The following PRRX2 variants were observed in gnomAD, a reference collection of about 807,000 sequenced individuals.
PRRX2 encodes paired related homeobox 2.
A neutral mutation model predicts 18.0 loss-of-function variants in PRRX2; 11 were observed. The observed-to-expected ratio is 0.61, with a 90% CI of 0.39 to 1.01. The LOEUF (loss-of-function observed/expected upper bound fraction) is 1.01, where lower values mean the gene tolerates loss of function less well. Ranked by LOEUF, PRRX2 falls within the 50% of genes least tolerant of loss-of-function variation. The pLI, the probability that PRRX2 is intolerant of heterozygous loss-of-function variation, is 0.01. For synonymous variants in PRRX2, 177 were observed against 154.8 expected, an observed-to-expected ratio of 1.14 and a Z score of -1.06; for missense variants, 387 against 351.0, an observed-to-expected ratio of 1.10 and a Z score of -0.82.
chr9:129,717,023 T>C lies in PRRX2; in HGVS notation c.260-2208T>C, dbSNP rs542331831. ...GCCCCAGTGTGTGCTTGTCAATTTTTAATTTTATTTTTAAATTTTATTTAT... is the reference window on the plus strand; with the variant it reads ...GCCCCAGTGTGTGCTTGTCAATTTTCAATTTTATTTTTAAATTTTATTTAT... On this transcript the variant is annotated intron_variant, in intron 1 of 3. Coordinates refer to ENST00000372469, the MANE Select transcript of PRRX2 (RefSeq NM_016307.4). Among the ~76,000 whole-genome samples the C allele has an allele frequency of 2.6e-5, 4 of 152,162 alleles. No individual in the cohort carries two copies. In the South Asian group the frequency reaches 8.3e-4, roughly 32 times the overall value.
rs1491506009 is a variant in PRRX2, at chr9:129,715,748, T to TCACA, written c.260-3482_260-3481insACAC. Among the ~76,000 whole-genome samples the TCACA allele has an allele frequency of 1.1e-5, 1 of 92,818 alleles. No individual in the cohort carries two copies. The highest frequency in any genetic ancestry group is 5.1e-5 in the African/African-American group (1 of 19,764). The allele number at this position is 92,818 out of a possible 152,430, so 60.9% of individuals were successfully genotyped here. A position where few individuals can be genotyped will look rare whatever the true frequency, so the allele number is the denominator to read the frequency against. On this transcript the variant is annotated intron_variant, in intron 1 of 3. Coordinates refer to ENST00000372469, the MANE Select transcript of PRRX2 (RefSeq NM_016307.4). This position sits in a 1 kb window ranked among gnomAD's most constrained non-coding sequence, Gnocchi z 4.0. Reference sequence around the variant, plus strand: ...CCAAACCCAGCTTCAGGGACATCTTTCTCACACACACACACACACACACAC... The same window carrying TCACA: ...CCAAACCCAGCTTCAGGGACATCTTTCACACTCACACACACACACACACACACAC...
At chr9:129,693,002 C>T (rs1287493097) in intron 1 of PRRX2, among the ~76,000 whole-genome samples, 1 of 152,138 alleles carries the variant, frequency 6.6e-6, no homozygotes, top group Non-Finnish European at 1.5e-5. Flanking sequence ...TGTACCATTT[C>T]GCATTCTCGC....
chr9:129,680,570 C>T (rs1158583063), intron 1 of PRRX2, among the ~76,000 whole-genome samples: 1 of 147,804 alleles, frequency 6.8e-6, no homozygotes, highest in Non-Finnish European at 1.5e-5. Flanking sequence ...GAGGTTTCCC[C>T]AAGCCCCACA....
intron 1 of PRRX2, among the ~76,000 whole-genome samples, chr9:129,700,682 A>G (rs1832483023): frequency 6.6e-6 from 1 of 151,816 alleles, no homozygotes; most frequent in Non-Finnish European, 1.5e-5. Context: ...CAGTGGCACA[A>G]TTGTGGCTCA....
rs12684972 is a variant in PRRX2 at position 129,716,602 on chromosome 9, G to C, written c.260-2629G>C. Among the ~76,000 whole-genome samples the C allele has an allele frequency of 0.011, 1,617 of 152,028 alleles. 162 individuals are homozygous for C. The East Asian group carries it at 0.25, about 23-fold the overall frequency. ...CCAGAGTAGCTGGGATTACAGGCAT[G>C]CACCACCACACTTGGCTAATTTTTG... On this transcript the variant is annotated intron_variant, in intron 1 of 3. Coordinates refer to ENST00000372469, the MANE Select transcript of PRRX2 (RefSeq NM_016307.4).
intron 1 of PRRX2, among the ~76,000 whole-genome samples, chr9:129,712,311 G>C (rs1398247182): frequency 6.6e-6 from 1 of 152,196 alleles, no homozygotes; most frequent in Non-Finnish European, 1.5e-5. Flanking sequence ...CTGACTATTT[G>C]AAGCAAAAAC....
chr9:129,691,201 A>T (rs931899493), intron 1 of PRRX2, among the ~76,000 whole-genome samples: 1 of 151,034 alleles, frequency 6.6e-6, no homozygotes, highest in African/African-American at 2.4e-5. Context: ...GACACGCGTC[A>T]TGGCGGGAAC....
At chr9:129,711,019 G>A (rs2130930197) in intron 1 of PRRX2, among the ~76,000 whole-genome samples, 1 of 152,226 alleles carries the variant, frequency 6.6e-6, no homozygotes, top group South Asian at 2.1e-4. Context: ...TGCTGCCTGT[G>A]TGCCTGAAGC....
intron 1 of PRRX2, among the ~76,000 whole-genome samples, chr9:129,669,212 G>A (rs934701131): frequency 3.3e-5 from 5 of 151,584 alleles, no homozygotes; most frequent in African/African-American, 1.2e-4. Flanking sequence ...GATAAAGCCC[G>A]CTACTGCCAA....
intron 1 of PRRX2, among the ~76,000 whole-genome samples, chr9:129,694,822 A>G (rs1346214852): frequency 1.3e-5 from 2 of 151,970 alleles, no homozygotes; most frequent in Admixed American, 6.6e-5. Flanking sequence ...CAGCGGAGGG[A>G]GCCCCATTCA....
At chr9:129,699,285 G>C (rs901410918) in intron 1 of PRRX2, among the ~76,000 whole-genome samples, 4 of 152,138 alleles carry the variant, frequency 2.6e-5, no homozygotes, top group African/African-American at 4.8e-5. Context: ...TTAGCTGGGC[G>C]TGGTGGTGCG....
chr9:129,705,021 T>C (rs1356205817), intron 1 of PRRX2, among the ~76,000 whole-genome samples: 2 of 152,350 alleles, frequency 1.3e-5, no homozygotes, highest in East Asian at 3.9e-4. Flanking sequence ...ACAATAAACC[T>C]GGCATTTGGC....
intron 1 of PRRX2, among the ~76,000 whole-genome samples, chr9:129,667,210 C>T (rs1054908678): frequency 6.6e-6 from 1 of 152,258 alleles, no homozygotes; most frequent in African/African-American, 2.4e-5. Flanking sequence ...ATGGCAGCGG[C>T]CACCACTCAC....
intron 1 of PRRX2, among the ~76,000 whole-genome samples, chr9:129,674,056 G>C (rs118107405): frequency 0.013 from 1,966 of 152,238 alleles, 28 homozygotes; most frequent in Middle Eastern, 0.065. Context: ...GGCTTACCAG[G>C]ACACCCCGCT....
At chr9:129,703,931 A>T (rs1260761892) in intron 1 of PRRX2, among the ~76,000 whole-genome samples, 1 of 152,214 alleles carries the variant, frequency 6.6e-6, no homozygotes, top group Non-Finnish European at 1.5e-5. Flanking sequence ...CCTCGCAGGC[A>T]CTGCCCTTGT....
rs1245609052 is a variant in PRRX2, at chr9:129,671,628, C to T, written c.259+5502C>T. Among the ~76,000 whole-genome samples the T allele has an allele frequency of 6.6e-5, 10 of 152,212 alleles. No homozygotes were observed. On this transcript the variant is annotated intron_variant, in intron 1 of 3. Coordinates refer to ENST00000372469, the MANE Select transcript of PRRX2 (RefSeq NM_016307.4). This position sits in a 1 kb window ranked among gnomAD's most constrained non-coding sequence, Gnocchi z 4.0. ...TAGGAACAAGGGCTGTGGTATCCCT[C>T]AAAGGGCGTGTCGAGCCCTGAGTGG...
At position 129,692,886 on chromosome 9, in the gene PRRX2, A is replaced by G. The variant is rs537638190; in HGVS notation, c.260-26345A>G. Reference sequence around the variant, plus strand: ...CTGGGCAGGCCTTTTTGTGGACAGAAGTTTCCACCTCATTTGGGTAGGAAC... The same window carrying G: ...CTGGGCAGGCCTTTTTGTGGACAGAGGTTTCCACCTCATTTGGGTAGGAAC... On this transcript the variant is annotated intron_variant, in intron 1 of 3. Coordinates refer to ENST00000372469, the MANE Select transcript of PRRX2 (RefSeq NM_016307.4). Among the ~76,000 whole-genome samples the G allele has an allele frequency of 1.4e-3, 208 of 152,330 alleles. 4 individuals are homozygous for G. Among genetic ancestry groups the G allele is most frequent in the Admixed American group, 0.014 (207 of 15,296 alleles).
intron 1 of PRRX2, among the ~76,000 whole-genome samples, chr9:129,679,978 C>G (rs79743852): frequency 0.04 from 6,050 of 152,208 alleles, 455 homozygotes; most frequent in East Asian, 0.37. Context: ...TGTCTCTGAG[C>G]CTCAAATTCC....
At chr9:129,673,916 G>A (rs1029828153) in intron 1 of PRRX2, among the ~76,000 whole-genome samples, 3 of 152,132 alleles carry the variant, frequency 2.0e-5, no homozygotes, top group African/African-American at 7.2e-5. Flanking sequence ...CTGAGCAGAC[G>A]AAGAGATGGG....
Sources: gnomAD v4.1 joint callset for allele counts (sites outside exome capture counted in the v4.1 genomes callset) on GRCh38, gnomAD v4.1.1 for gene constraint, Gnocchi (gnomAD v3.1) non-coding constraint, MANE v1.5 for transcripts, NCBI Gene and HGNC (gene_info 2026-07-23, HGNC 2026-07-21) for gene names.